The following SMAD9 variants were observed in gnomAD, a reference collection of about 807,000 sequenced individuals.
The protein encoded by SMAD9 is SMAD family member 9.
SMAD9 carries 36 observed loss-of-function variants against 46.1 expected under a neutral mutation model. The observed-to-expected ratio is 0.78, with a 90% CI of 0.60 to 1.03. SMAD9 has a LOEUF of 1.03. SMAD9 is among the 50% of genes least tolerant of loss of function. SMAD9 has a pLI of 0.00. For missense variants in SMAD9, 572 were observed against 599.8 expected, an observed-to-expected ratio of 0.95 and a Z score of 0.48; for synonymous variants, 245 against 237.1, an observed-to-expected ratio of 1.03 and a Z score of -0.31.
In SMAD9 at chr13:36,906,689, A is replaced by C. The variant is rs538549994; in HGVS notation, c.-187+13427T>G. Among the ~76,000 whole-genome samples the C allele has an allele frequency of 7.2e-5, 11 of 152,332 alleles. 1 individual carries two copies. The South Asian group carries it at 2.3e-3, about 32-fold the overall frequency. ...TTACTAGGGGAATGAGTGCAAACCAAAATCACAAGGTACCACTTCATACCC... is the reference window on the plus strand; with the variant it reads ...TTACTAGGGGAATGAGTGCAAACCACAATCACAAGGTACCACTTCATACCC... On this transcript the variant is annotated intron_variant, in intron 1 of 6. Transcript: ENST00000379826.
In SMAD9 at chr13:36,859,346, T is replaced by A. The variant is rs534813300; in HGVS notation, c.1004-5671A>T. On this transcript the variant is annotated intron_variant, in intron 5 of 6. Transcript: ENST00000379826. ...GAGTTTGAAACAGAGTGACTCCGTCTTGAGTAGAAGCTGGGTAAAATAAGG... is the reference window on the plus strand; with the variant it reads ...GAGTTTGAAACAGAGTGACTCCGTCATGAGTAGAAGCTGGGTAAAATAAGG... Among the ~76,000 whole-genome samples the A allele has an allele frequency of 8.5e-5, 13 of 152,302 alleles. No individual in the cohort carries two copies. The South Asian group carries it at 2.7e-3, about 32-fold the overall frequency.
Position 36,872,860 on chromosome 13 carries a change from G to T in SMAD9, c.468C>A (p.Leu156=). 2 of 1,614,186 alleles carry T rather than the reference G, an allele frequency of 1.2e-6. No individual in the cohort carries two copies. The highest frequency in any genetic ancestry group is 8.5e-7 in the Non-Finnish European group (1 of 1,180,030). ...RHSEYNPQLS[L]LAKFRSASLH... Reference sequence around the variant, plus strand: ...GGGAGGCGCTGCGGAACTTGGCCAGGAGGCTGAGCTGGGGGTTATATTCAC... The same window carrying T: ...GGGAGGCGCTGCGGAACTTGGCCAGTAGGCTGAGCTGGGGGTTATATTCAC... The change falls in exon 3 of 7, where the codon CTC becomes CTA. Residue 156 remains leucine (L), a synonymous_variant. Coordinates refer to ENST00000379826, the MANE Select transcript of SMAD9 (RefSeq NM_001127217.3).
At chr13:36,894,463 A>G (rs148232851) in intron 1 of SMAD9, among the ~76,000 whole-genome samples, 7,792 of 152,274 alleles carry the variant, frequency 0.051, 577 homozygotes, top group African/African-American at 0.17. Flanking sequence ...TTCTTTATAA[A>G]TTACTCAGTC....
At chr13:36,911,138 T>TG (rs1449860689) in intron 1 of SMAD9, among the ~76,000 whole-genome samples, 1 of 152,044 alleles carries the variant, frequency 6.6e-6, no homozygotes, top group Non-Finnish European at 1.5e-5. Context: ...CCTGAGTATC[T>TG]GGGGCTACAG....
chr13:36,920,082 C>T (rs1230496282), intron 1 of SMAD9, 34 bp downstream of exon 1: 2 of 150,900 alleles, frequency 1.3e-5, no homozygotes, highest in Non-Finnish European at 3.0e-5. Flanking sequence ...CGCCGTGGTC[C>T]CCCGGCCGCC....
intron 3 of SMAD9, among the ~76,000 whole-genome samples, chr13:36,871,683 T>C (rs948249886): frequency 6.6e-6 from 1 of 152,128 alleles, no homozygotes; most frequent in Non-Finnish European, 1.5e-5. Context: ...TTATATAATA[T>C]AGTGCAACAA....
intron 1 of SMAD9, among the ~76,000 whole-genome samples, chr13:36,915,113 G>A (rs1450881610): frequency 2.0e-5 from 3 of 152,158 alleles, no homozygotes; most frequent in African/African-American, 7.2e-5. Flanking sequence ...ATGTGCTCCT[G>A]GGGTCAGTGA....
chr13:36,844,881 G>A lies in SMAD9; in HGVS notation c.*3795C>T, dbSNP rs2138232764. 1 of 149,690 alleles carries A rather than the reference G, an allele frequency of 6.7e-6. No homozygotes were observed. Among genetic ancestry groups the A allele is most frequent in the Admixed American group, 6.6e-5 (1 of 15,046 alleles). 9.3% of individuals were successfully genotyped at this position (149,690 alleles called of 1,614,324 possible). A position where few individuals can be genotyped will look rare whatever the true frequency, so the allele number is the denominator to read the frequency against. The stretch of plus-strand genomic sequence containing the variant: ...AACAATCAGATAACAGTATAAGTGT[G>A]CATTTGATGGATAACCGAAGCCAAG... On this transcript the variant is annotated 3_prime_UTR_variant, in exon 7 of 7. Transcript: ENST00000379826.
rs376298627 is a variant in SMAD9 at position 36,847,247 on chromosome 13, A to C, written c.*1429T>G. On this transcript the variant is annotated 3_prime_UTR_variant, in exon 7 of 7. Transcript: ENST00000379826. Reference sequence around the variant, plus strand: ...TAGAAAGAGTTGAGATAAAATGTATAAATGAAGAAACTTCTTGGATTACTG... The same window carrying C: ...TAGAAAGAGTTGAGATAAAATGTATCAATGAAGAAACTTCTTGGATTACTG... 6.6e-6 allele frequency: 1 copy of C among 152,228 alleles called. No individual in the cohort carries two copies. The highest frequency in any genetic ancestry group is 1.9e-4 in the East Asian group (1 of 5,200). The allele number at this position is 152,228 out of a possible 1,614,324, so 9.4% of individuals were successfully genotyped here.
At chr13:36,863,542 A>G (rs1271991230) in intron 5 of SMAD9, among the ~76,000 whole-genome samples, 1 of 152,178 alleles carries the variant, frequency 6.6e-6, no homozygotes, top group Admixed American at 6.5e-5. Context: ...TCCAAATCTC[A>G]TATCGAAATC....
At chr13:36,899,101 C>T (rs566773655) in intron 1 of SMAD9, among the ~76,000 whole-genome samples, 2 of 151,922 alleles carry the variant, frequency 1.3e-5, no homozygotes, top group African/African-American at 4.8e-5. Context: ...GATAAATGTA[C>T]AAAAACAATT....
intron 3 of SMAD9, among the ~76,000 whole-genome samples, chr13:36,871,521 AT>A (rs1244730494): frequency 7.8e-4 from 119 of 151,706 alleles, no homozygotes; most frequent in African/African-American, 2.9e-3. Context: ...CCGTCTCAAA[AT>A]AAAAAATAAA....
chr13:36,906,058 A>G (rs973372263), intron 1 of SMAD9, among the ~76,000 whole-genome samples: 15 of 152,238 alleles, frequency 9.9e-5, no homozygotes, highest in Middle Eastern at 3.4e-3. Context: ...GAAAAATAAC[A>G]AAGACTCTAA....
rs2058080997 is a variant in SMAD9, at chr13:36,852,284, C to A, written c.1260+1135G>T. The A allele has an allele frequency of 4.1e-6, 4 of 983,836 alleles. No homozygotes were observed. The South Asian group carries it at 1.9e-4, about 46-fold the overall frequency. 60.9% of individuals were successfully genotyped at this position (983,836 alleles called of 1,614,324 possible). On this transcript the variant is annotated intron_variant, in intron 6 of 6. Transcript: ENST00000379826. ...AATAAAATTTACTTTGAAAAAAATGCCTGGAACAAGCCATGCTGATTCCCT... is the reference window on the plus strand; with the variant it reads ...AATAAAATTTACTTTGAAAAAAATGACTGGAACAAGCCATGCTGATTCCCT...
At position 36,865,852 on chromosome 13, in the gene SMAD9, C is replaced by T. The variant is rs1319586442; in HGVS notation, c.782-94G>A. 6 of 1,074,824 alleles carry T rather than the reference C, an allele frequency of 5.6e-6. No homozygotes were observed. The South Asian group carries it at 8.1e-5, about 14-fold the overall frequency. 66.6% of individuals were successfully genotyped at this position (1,074,824 alleles called of 1,614,324 possible). ...CAGGAAACTTAGTTAATGCTTTTCA[C>T]CAGAAAGTCGGCTGCAAGACCAAGC... On this transcript the variant is annotated intron_variant, in intron 4 of 6. Transcript: ENST00000379826.
chr13:36,868,428 AATATGTCT>A (rs2058256810), intron 3 of SMAD9, among the ~76,000 whole-genome samples: 1 of 152,202 alleles, frequency 6.6e-6, no homozygotes, highest in Non-Finnish European at 1.5e-5. Context: ...TCTTTGACTA[AATATGTCT>A]ATTTACTCAA....
At chr13:36,901,045 T>C (rs1203269639) in intron 1 of SMAD9, among the ~76,000 whole-genome samples, 1 of 152,216 alleles carries the variant, frequency 6.6e-6, no homozygotes, top group East Asian at 1.9e-4. Context: ...TGATGAATCA[T>C]ATATGTGTGT....
chr13:36,852,431 A>G (rs746294645), intron 6 of SMAD9: 3 of 984,374 alleles, frequency 3.0e-6, no homozygotes, highest in Non-Finnish European at 3.6e-6. Context: ...AGGTGATGAA[A>G]CTGAAGGCTT....
In SMAD9 at chr13:36,845,423, T is replaced by A. The variant is rs1273698851; in HGVS notation, c.*3253A>T. The A allele has an allele frequency of 2.0e-5, 3 of 152,202 alleles. No individual in the cohort carries two copies. The highest frequency in any genetic ancestry group is 6.5e-5 in the Admixed American group (1 of 15,272). 9.4% of individuals were successfully genotyped at this position (152,202 alleles called of 1,614,324 possible). On this transcript the variant is annotated 3_prime_UTR_variant, in exon 7 of 7. Transcript: ENST00000379826. ...AATATCATCTAGCTAAAACAAACTTTTCACAATTTTTTAACAGAAAAATAA... is the reference window on the plus strand; with the variant it reads ...AATATCATCTAGCTAAAACAAACTTATCACAATTTTTTAACAGAAAAATAA...
Sources: allele counts gnomAD v4.1 joint callset (sites outside exome capture counted in the v4.1 genomes callset), GRCh38; gene constraint gnomAD v4.1.1; transcripts MANE v1.5; gene names NCBI Gene and HGNC (gene_info 2026-07-23, HGNC 2026-07-21).